ATP2C2: variants seen among roughly 807,000 people sequenced by gnomAD.
The protein encoded by ATP2C2 is calcium-transporting ATPase type 2C member 2.
In ATP2C2, 171 loss-of-function variants were observed where a neutral mutation model predicts 110.8. That is an observed-to-expected ratio of 1.54 (90% CI 1.36 to 1.75). ATP2C2 has a LOEUF of 1.75. ATP2C2 is among the 40% of genes most tolerant of loss of function. ATP2C2 has a pLI of 0.00. For missense variants in ATP2C2, 1,963 were observed against 1,235.0 expected (o/e 1.59, Z -8.84); for synonymous variants, 804 against 508.4 (o/e 1.58, Z -7.82).
chr16:84,424,426 C>A (rs1301522290), intron 10 of ATP2C2, among the ~76,000 whole-genome samples: 1 of 152,064 alleles, frequency 6.6e-6, no homozygotes, highest in Non-Finnish European at 1.5e-5. Context: ...TACAGGCATG[C>A]ACCATCACGC....
At chr16:84,369,487 G>A (rs1034729484) in intron 1 of ATP2C2, among the ~76,000 whole-genome samples, 3 of 151,744 alleles carry the variant, frequency 2.0e-5, no homozygotes, top group Admixed American at 2.0e-4. Flanking sequence ...TTCTCTGCAC[G>A]CCAGAGGGTC....
intron 23 of ATP2C2, 183 bp from the exon 24 acceptor site, chr16:84,460,471 C>T (rs1474536770): frequency 6.2e-6 from 5 of 811,450 alleles, no homozygotes; most frequent in African/African-American, 5.1e-5. Flanking sequence ...TGCCCATGGA[C>T]CCAGGCTCTG....
rs12445210 is a variant in ATP2C2, at chr16:84,405,300, G to T, written c.327+56G>T. ...ACATGCATAAGCCAGCGAGGGTGGG[G>T]CAGCCATTCCATCTTTCAATGTTGA... is the stretch of plus-strand genomic sequence containing the variant. On this transcript the variant is annotated intron_variant, in intron 3 of 26. Transcript: ENST00000262429. 3,230 of 1,445,974 alleles carry T rather than the reference G, an allele frequency of 2.2e-3. 81 individuals are homozygous for T. The Admixed American group carries it at 0.042, about 19-fold the overall frequency. The allele number at this position is 1,445,974 out of a possible 1,614,324, so 89.6% of individuals were successfully genotyped here.
At chr16:84,398,449 A>G (rs775615246) in intron 1 of ATP2C2, 50 bp from the exon 2 acceptor site, 2 of 1,087,538 alleles carry the variant, frequency 1.8e-6, no homozygotes, top group Non-Finnish European at 2.5e-6. Context: ...TTAAAAATTA[A>G]TCAGTACAAA....
In ATP2C2 at chr16:84,446,407, G is replaced by A; in HGVS notation, c.1480G>A (p.Val494Met). ...PFSSEQKWMA[V>M]KCSLKTEDQE... is the part of the protein sequence containing the mutation. ...CAGTTCAGAGCAGAAGTGGATGGCG[G>A]TGAAATGCAGTCTGAAGACTGAGGT... Residue 494 changes from valine (V) to methionine (M), a missense_variant, in exon 16 of 27, where the codon GTG (valine) becomes ATG (methionine). Val to Met is a conservative substitution (Grantham distance 21). Coordinates refer to ENST00000262429, the MANE Select transcript of ATP2C2 (RefSeq NM_014861.4). 6.2e-7 allele frequency: 1 copy of A among 1,604,718 alleles called. No homozygotes were observed. Among genetic ancestry groups the A allele is most frequent in the African/African-American group, 1.3e-5 (1 of 74,292 alleles).
intron 15 of ATP2C2, among the ~76,000 whole-genome samples, chr16:84,445,798 C>T (rs1210584896): frequency 6.6e-6 from 1 of 152,240 alleles, no homozygotes; most frequent in Non-Finnish European, 1.5e-5. Context: ...GCCCCTGCTG[C>T]ACCGCATTTT....
chr16:84,376,737 A>G (rs891625063), intron 1 of ATP2C2, among the ~76,000 whole-genome samples: 3 of 152,194 alleles, frequency 2.0e-5, no homozygotes, highest in East Asian at 1.9e-4. Flanking sequence ...CCGGGCACAC[A>G]TCATCCCATG....
At chr16:84,450,676 G>A (rs978507705) in intron 17 of ATP2C2, among the ~76,000 whole-genome samples, 13 of 152,204 alleles carry the variant, frequency 8.5e-5, no homozygotes, top group African/African-American at 2.4e-4. Flanking sequence ...GTCAGTGAGG[G>A]GGCAAGGATG....
Position 84,423,265 on chromosome 16 carries a change from T to A in ATP2C2, c.919+2T>A. On this transcript the variant is annotated splice_donor_variant, in intron 10 of 26. Coordinates refer to ENST00000262429, the MANE Select transcript of ATP2C2 (RefSeq NM_014861.4). LOFTEE classifies it high-confidence loss of function. ...CACTCTTCTCCTTTGGCATAATCGG[T>A]GAGTGAAGCAGTTTCCATACTGGGT... is the stretch of plus-strand genomic sequence containing the variant. 6.2e-7 allele frequency: 1 copy of A among 1,613,294 alleles called. No individual in the cohort carries two copies. Among genetic ancestry groups the A allele is most frequent in the Non-Finnish European group, 8.5e-7 (1 of 1,179,320 alleles).
intron 1 of ATP2C2, among the ~76,000 whole-genome samples, chr16:84,391,877 C>G (rs774085501): frequency 1.3e-4 from 19 of 151,922 alleles, no homozygotes; most frequent in Non-Finnish European, 2.8e-4. Flanking sequence ...TTATGTGACT[C>G]CCGTTCCCTC....
Position 84,410,489 on chromosome 16 carries a change from C to CA in ATP2C2, c.418-77dup, listed in dbSNP as rs1334795759. The CA allele has an allele frequency of 4.8e-6, 7 of 1,471,074 alleles. No individual in the cohort carries two copies. In the Admixed American group the frequency reaches 5.0e-5, roughly 11 times the overall value. The allele number at this position is 1,471,074 out of a possible 1,614,324, so 91.1% of individuals were successfully genotyped here. A position where few individuals can be genotyped will look rare whatever the true frequency, so the allele number is the denominator to read the frequency against. The stretch of plus-strand genomic sequence containing the variant: ...AAGAAAGGAAATCAATCATTAAAGA[C>CA]AAGCCCCTAGCCTGCCACGCCCTGT... On this transcript the variant is annotated intron_variant, in intron 4 of 26. Transcript: ENST00000262429.
intron 1 of ATP2C2, 65 bp downstream of exon 1, chr16:84,368,779 C>T: frequency 1.5e-6 from 2 of 1,331,246 alleles, no homozygotes; most frequent in South Asian, 2.8e-5. Context: ...TCGTAACCGT[C>T]CCCGGCCCGA....
At chr16:84,420,458 C>T (rs535039140) in intron 7 of ATP2C2, among the ~76,000 whole-genome samples, 1 of 143,946 alleles carries the variant, frequency 6.9e-6, no homozygotes, top group Non-Finnish European at 1.5e-5. Context: ...CATCTTTGAT[C>T]TCTCCCTTTC....
intron 1 of ATP2C2, among the ~76,000 whole-genome samples, chr16:84,394,300 A>G (rs1157112362): frequency 6.6e-6 from 1 of 152,070 alleles, no homozygotes. Context: ...TGTGACCACC[A>G]CTTCTATTCA....
Position 84,421,095 on chromosome 16 carries a change from C to T in ATP2C2, c.625-1295C>T, listed in dbSNP as rs574629016. ...TGCTGGGATTACAGGTGTTAGCCACCATGCCCGGCCGTCCTTGACAGTTTT... is the reference window on the plus strand; with the variant it reads ...TGCTGGGATTACAGGTGTTAGCCACTATGCCCGGCCGTCCTTGACAGTTTT... On this transcript the variant is annotated intron_variant, in intron 7 of 26. Transcript: ENST00000262429. Among the ~76,000 whole-genome samples, 618 of 152,314 alleles carry T rather than the reference C, an allele frequency of 4.1e-3. 2 individuals carry two copies. The highest frequency in any genetic ancestry group is 0.014 in the African/African-American group (578 of 41,562).
chr16:84,410,337 C>T (rs1323150985), intron 4 of ATP2C2, among the ~76,000 whole-genome samples: 3 of 151,932 alleles, frequency 2.0e-5, no homozygotes, highest in South Asian at 2.1e-4. Context: ...AGTGTGTCTA[C>T]GCAGAAAAAT....
intron 17 of ATP2C2, among the ~76,000 whole-genome samples, chr16:84,450,476 G>A (rs1286306833): frequency 6.6e-6 from 1 of 152,160 alleles, no homozygotes; most frequent in Admixed American, 6.5e-5. Flanking sequence ...GGTGAGGGGA[G>A]CACGGAGGCA....
intron 2 of ATP2C2, 170 bp from the exon 3 acceptor site, chr16:84,404,958 C>T (rs1359703350): frequency 1.4e-6 from 1 of 714,450 alleles, no homozygotes; most frequent in Non-Finnish European, 2.5e-6. Context: ...TTCCTCCTCT[C>T]TCTGCCCCAT....
chr16:84,447,668 A>T (rs998008877), intron 16 of ATP2C2, among the ~76,000 whole-genome samples: 1 of 139,242 alleles, frequency 7.2e-6, no homozygotes, highest in Admixed American at 7.0e-5. Context: ...AATATATATT[A>T]CATATATTAC....
Sources: gnomAD v4.1 joint callset for allele counts (sites outside exome capture counted in the v4.1 genomes callset) on GRCh38, gnomAD v4.1.1 for gene constraint, MANE v1.5 for transcripts, NCBI Gene and HGNC (gene_info 2026-07-23, HGNC 2026-07-21) for gene names.